Variants in ALDH9A1 observed in about 807,000 individuals in gnomAD.
ALDH9A1 encodes the protein aldehyde dehydrogenase 9 family member A1.
Under a neutral mutation model 56.6 loss-of-function variants are expected in ALDH9A1, and 42 were observed. That is an observed-to-expected ratio of 0.74 (90% CI 0.58 to 0.96). ALDH9A1 has a LOEUF of 0.96. Among genes scored for constraint, ALDH9A1 ranks in the 40% least tolerant of loss-of-function variants. The pLI, the probability that ALDH9A1 is intolerant of heterozygous loss-of-function variation, is 0.00. For missense variants in ALDH9A1, 661 were observed against 651.5 expected, an observed-to-expected ratio of 1.01 and a Z score of -0.16; for synonymous variants, 242 against 236.0, an observed-to-expected ratio of 1.03 and a Z score of -0.23.
chr1:165,693,579 T>G (rs981430767), intron 2 of ALDH9A1, among the ~76,000 whole-genome samples: 25 of 152,230 alleles, frequency 1.6e-4, no homozygotes, highest in African/African-American at 3.6e-4. Context: ...GTGCTGGAGA[T>G]GATGTGGAGA....
In ALDH9A1 at chr1:165,663,115, T is replaced by C. The variant is rs764172938; in HGVS notation, c.1492A>G (p.Ile498Val). Residue 498 changes from isoleucine (I) to valine (V), a missense_variant, in exon 11 of 11, where the codon ATC becomes GTC. Physicochemically the swap from Ile to Val is conservative, Grantham distance 29. Coordinates refer to ENST00000354775, the MANE Select transcript of ALDH9A1 (RefSeq NM_000696.4). ...GTCTTCAGCTGTGAATAATATTCGATTGTCACACGGCCGTTCTCTCTGCCA... is the reference window on the plus strand; with the variant it reads ...GTCTTCAGCTGTGAATAATATTCGACTGTCACACGGCCGTTCTCTCTGCCA... ...GFGRENGRVT[I>V]EYYSQLKTVC... 3.0e-5 allele frequency: 48 copies of C among 1,613,856 alleles called. No individual in the cohort carries two copies. The highest frequency in any genetic ancestry group is 2.9e-4 in the African/African-American group (22 of 74,902).
At chr1:165,675,137 G>A (rs1649309763) in intron 6 of ALDH9A1, among the ~76,000 whole-genome samples, 1 of 152,156 alleles carries the variant, frequency 6.6e-6, no homozygotes, top group Non-Finnish European at 1.5e-5. Context: ...GAAGGTTGCA[G>A]TGAACCAAGA....
chr1:165,678,006 G>C (rs1649422931), intron 6 of ALDH9A1, among the ~76,000 whole-genome samples: 1 of 152,096 alleles, frequency 6.6e-6, no homozygotes, highest in East Asian at 1.9e-4. Flanking sequence ...CTGCACTCCA[G>C]CCTGGGTGAC....
intron 2 of ALDH9A1, among the ~76,000 whole-genome samples, chr1:165,690,295 G>A (rs920224814): frequency 6.6e-6 from 1 of 151,598 alleles, no homozygotes; most frequent in South Asian, 2.1e-4. Flanking sequence ...AGTTTCTGAC[G>A]TAACATACTT....
At chr1:165,682,301 C>T (rs1372117193) in intron 3 of ALDH9A1, 60 bp from the exon 4 acceptor site, 45 of 1,568,068 alleles carry the variant, frequency 2.9e-5, no homozygotes, top group Non-Finnish European at 3.9e-5. Context: ...ATTTCACCAA[C>T]ATCTGTACCA....
chr1:165,695,191 A>G, intron 2 of ALDH9A1, 61 bp downstream of exon 2: 6 of 1,504,258 alleles, frequency 4.0e-6, no homozygotes, highest in Non-Finnish European at 5.3e-6. Context: ...CGAACTGCAA[A>G]CATCACAAAG....
chr1:165,667,576 A>C (rs750003240), intron 8 of ALDH9A1, 126 bp from the exon 9 acceptor site: 6 of 982,698 alleles, frequency 6.1e-6, no homozygotes, highest in Non-Finnish European at 7.4e-6. Flanking sequence ...CCTGGGCTCC[A>C]GCGATCCTCC....
intron 6 of ALDH9A1, among the ~76,000 whole-genome samples, chr1:165,672,540 A>C (rs1387259295): frequency 6.6e-6 from 1 of 152,204 alleles, no homozygotes; most frequent in African/African-American, 2.4e-5. Flanking sequence ...AATGGGGTAC[A>C]CAGTTTTCAA....
chr1:165,682,887 G>T, intron 3 of ALDH9A1, 94 bp downstream of exon 3: 1 of 1,423,896 alleles, frequency 7.0e-7, no homozygotes, highest in African/African-American at 1.4e-5. Context: ...TTTCACCCAG[G>T]TTTGTCTTAA....
intron 2 of ALDH9A1, among the ~76,000 whole-genome samples, chr1:165,686,312 G>T (rs992897498): frequency 6.6e-6 from 1 of 152,042 alleles, no homozygotes; most frequent in Non-Finnish European, 1.5e-5. Context: ...GCTAGGTGGC[G>T]CCCAGCAGAC....
intron 5 of ALDH9A1, 101 bp downstream of exon 5, chr1:165,680,386 G>C (rs1255852920): frequency 1.6e-5 from 20 of 1,265,212 alleles, no homozygotes; most frequent in Non-Finnish European, 2.2e-5. Flanking sequence ...ATTCAGGCTA[G>C]GTAAAATCAA....
At chr1:165,695,485 G>GTA in intron 1 of ALDH9A1, 88 bp from the exon 2 acceptor site, 1 of 439,982 alleles carries the variant, frequency 2.3e-6, no homozygotes, top group Non-Finnish European at 3.3e-6. Flanking sequence ...CTTAGTAGTA[G>GTA]TCTTTTTTTT....
At chr1:165,677,726 C>G (rs1330577142) in intron 6 of ALDH9A1, among the ~76,000 whole-genome samples, 1 of 151,868 alleles carries the variant, frequency 6.6e-6, no homozygotes, top group South Asian at 2.1e-4. Context: ...GGCGTGGTGG[C>G]GGGTGCCTGT....
intron 6 of ALDH9A1, among the ~76,000 whole-genome samples, chr1:165,677,102 G>A (rs1558006283): frequency 6.6e-6 from 1 of 152,182 alleles, no homozygotes; most frequent in Non-Finnish European, 1.5e-5. Context: ...GCCGGGCACG[G>A]TGGCACATGC....
intron 2 of ALDH9A1, among the ~76,000 whole-genome samples, chr1:165,694,955 C>CAAAAA: frequency 9.4e-6 from 1 of 106,680 alleles, no homozygotes; most frequent in Non-Finnish European, 2.0e-5. Flanking sequence ...GATTCCGTCT[C>CAAAAA]AAAAAAAAAA....
Position 165,663,129 on chromosome 1 carries a change from TTC to T in ALDH9A1, c.1476_1477del (p.Asn493ArgfsTer20). The T allele has an allele frequency of 6.2e-7, 1 of 1,603,662 alleles. No homozygotes were observed. The highest frequency in any genetic ancestry group is 1.1e-5 in the South Asian group (1 of 90,898). On this transcript the variant is annotated frameshift_variant, in exon 11 of 11. Transcript: ENST00000354775. LOFTEE classifies it high-confidence loss of function. ...ATAATATTCGATTGTCACACGGCCG[TTC>T]TCTCTGCCAAATCCTGAAAGGAGGA...
At chr1:165,697,190 G>A (rs1650116567) in intron 1 of ALDH9A1, among the ~76,000 whole-genome samples, 2 of 152,218 alleles carry the variant, frequency 1.3e-5, no homozygotes, top group Admixed American at 1.3e-4. Context: ...GCCTAGCACA[G>A]TGCTTAGCAC....
Position 165,682,187 on chromosome 1 carries a change from A to AGTG in ALDH9A1, c.509_511dup (p.Pro170dup). The stretch of plus-strand genomic sequence containing the variant: ...TGCTCCTATTCCCACACATACCCCA[A>AGTG]GTGGTTCTCTTCTGGTATAACCAAA... On this transcript the variant is annotated inframe_insertion, in exon 4 of 11. Coordinates refer to ENST00000354775, the MANE Select transcript of ALDH9A1 (RefSeq NM_000696.4). 6.2e-7 allele frequency: 1 copy of AGTG among 1,613,998 alleles called. No individual in the cohort carries two copies. The highest frequency in any genetic ancestry group is 8.5e-7 in the Non-Finnish European group (1 of 1,179,888).
At chr1:165,692,974 CTAT>C (rs998672186) in intron 2 of ALDH9A1, among the ~76,000 whole-genome samples, 8 of 151,948 alleles carry the variant, frequency 5.3e-5, no homozygotes, top group African/African-American at 1.9e-4. Context: ...AAAGGATTCC[CTAT>C]TTAATAAATG....
Sources: gnomAD v4.1 joint callset for allele counts (sites outside exome capture counted in the v4.1 genomes callset) on GRCh38, gnomAD v4.1.1 for gene constraint, MANE v1.5 for transcripts, NCBI Gene and HGNC (gene_info 2026-07-23, HGNC 2026-07-21) for gene names.